The following SLC25A33 variants were observed in gnomAD, a reference collection of about 807,000 sequenced individuals.
SLC25A33 encodes the protein solute carrier family 25 member 33.
In SLC25A33, 15 loss-of-function variants were observed where a neutral mutation model predicts 35.5. That is an observed-to-expected ratio of 0.42 (90% CI 0.28 to 0.65). The LOEUF is 0.65. Ranked by LOEUF, SLC25A33 falls within the 30% of genes least tolerant of loss-of-function variation. SLC25A33 has a pLI of 0.20. For missense variants in SLC25A33, 257 were observed against 398.5 expected (o/e 0.64, Z 3.02); for synonymous variants, 136 against 148.7 (o/e 0.91, Z 0.62).
chr1:9,578,712 C>A lies in SLC25A33; in HGVS notation c.483-1242C>A, dbSNP rs1643696741. The stretch of plus-strand genomic sequence containing the variant: ...TCTTGAACTCCTGGCCTCAAGCAGT[C>A]CTCCCGCCTTGGCCTCCCAAAGTGC... On this transcript the variant is annotated intron_variant, in intron 5 of 6. Coordinates refer to ENST00000302692, the MANE Select transcript of SLC25A33 (RefSeq NM_032315.3). This position sits in a 1 kb window ranked among gnomAD's most constrained non-coding sequence, Gnocchi z 4.3. 6.6e-6 allele frequency among the ~76,000 whole-genome samples: 1 copy of A among 152,140 alleles called. No individual in the cohort carries two copies. Among genetic ancestry groups the A allele is most frequent in the Non-Finnish European group, 1.5e-5 (1 of 68,014 alleles).
chr1:9,540,556 A>C (rs1643064506), intron 1 of SLC25A33, among the ~76,000 whole-genome samples: 1 of 151,980 alleles, frequency 6.6e-6, no homozygotes, highest in Non-Finnish European at 1.5e-5. Context: ...AGAAGGTAAA[A>C]TATTTTTGAG....
At chr1:9,551,777 C>G (rs976255844) in intron 1 of SLC25A33, among the ~76,000 whole-genome samples, 1 of 152,038 alleles carries the variant, frequency 6.6e-6, no homozygotes, top group Non-Finnish European at 1.5e-5. Context: ...TTAGTAAACA[C>G]TGTTTAGGAA....
At chr1:9,550,586 G>T (rs552122896) in intron 1 of SLC25A33, among the ~76,000 whole-genome samples, 27 of 152,146 alleles carry the variant, frequency 1.8e-4, no homozygotes, top group African/African-American at 6.5e-4. Context: ...TTAGGCATGT[G>T]GTTATTATGA....
rs1334441190 is a variant in SLC25A33 at position 9,583,957 on chromosome 1, T to G, written c.*1456T>G. On this transcript the variant is annotated 3_prime_UTR_variant, in exon 7 of 7. Transcript: ENST00000302692. ...TTGCAGTGAGCTGAGATGGCGCCAC[T>G]GCACTCCAGCCTGGGCCACAGAGTG... The G allele has an allele frequency of 6.8e-6, 1 of 146,942 alleles. No individual in the cohort carries two copies. Among genetic ancestry groups the G allele is most frequent in the Non-Finnish European group, 1.5e-5 (1 of 67,376 alleles). 9.1% of individuals were successfully genotyped at this position (146,942 alleles called of 1,614,324 possible). A position where few individuals can be genotyped will look rare whatever the true frequency, so the allele number is the denominator to read the frequency against.
At chr1:9,542,631 T>C (rs1446983551) in intron 1 of SLC25A33, among the ~76,000 whole-genome samples, 6 of 152,164 alleles carry the variant, frequency 3.9e-5, no homozygotes, top group South Asian at 2.1e-4. Context: ...GTTGCTGCTG[T>C]TGTTAAGCTG....
intron 3 of SLC25A33, among the ~76,000 whole-genome samples, chr1:9,568,481 C>T (rs942342252): frequency 1.3e-5 from 2 of 151,924 alleles, no homozygotes; most frequent in Admixed American, 6.6e-5. Context: ...AAACTTCTTC[C>T]AGAAAGGACC....
chr1:9,547,672 C>G (rs1643200983), intron 1 of SLC25A33, among the ~76,000 whole-genome samples: 1 of 152,044 alleles, frequency 6.6e-6, no homozygotes, highest in Admixed American at 6.6e-5. Flanking sequence ...CATCCCAGGC[C>G]TCTACCCACT....
intron 1 of SLC25A33, among the ~76,000 whole-genome samples, chr1:9,551,499 G>T (rs1557525834): frequency 6.6e-6 from 1 of 152,186 alleles, no homozygotes. Flanking sequence ...GCCTCTAGTG[G>T]AGTAGGGAAG....
In SLC25A33 at chr1:9,553,888, A is replaced by G; in HGVS notation, c.236+83A>G. ...AGAGAATGTTCATCAAGCTTATCAA[A>G]TGTGATGTTCTGTTTGCATAGCCTT... On this transcript the variant is annotated intron_variant, in intron 2 of 6. Coordinates refer to ENST00000302692, the MANE Select transcript of SLC25A33 (RefSeq NM_032315.3). 11 of 1,411,098 alleles carry G rather than the reference A, an allele frequency of 7.8e-6. No homozygotes were observed. The South Asian group carries it at 1.3e-4, about 17-fold the overall frequency. The allele number at this position is 1,411,098 out of a possible 1,614,324, so 87.4% of individuals were successfully genotyped here. A position where few individuals can be genotyped will look rare whatever the true frequency, so the allele number is the denominator to read the frequency against.
chr1:9,570,206 T>C, intron 3 of SLC25A33, 52 bp from the exon 4 acceptor site: 1 of 1,508,154 alleles, frequency 6.6e-7, no homozygotes. Flanking sequence ...TGGAGGGACG[T>C]ATAAAGTTGC....
intron 5 of SLC25A33, among the ~76,000 whole-genome samples, chr1:9,576,030 A>G (rs552333796): frequency 5.9e-5 from 9 of 152,270 alleles, no homozygotes; most frequent in Admixed American, 5.2e-4. Context: ...TAGTAAACTC[A>G]TATCACTTCT....
chr1:9,546,071 C>T (rs1643164113), intron 1 of SLC25A33, among the ~76,000 whole-genome samples: 1 of 151,858 alleles, frequency 6.6e-6, no homozygotes, highest in South Asian at 2.1e-4. Flanking sequence ...GAATATCCCT[C>T]GTGACTGCTT....
intron 5 of SLC25A33, chr1:9,576,478 A>G: frequency 2.2e-6 from 1 of 446,714 alleles, no homozygotes; most frequent in Admixed American, 2.5e-5. Context: ...AAATGTCAAC[A>G]TTACCCTGAA....
chr1:9,549,770 G>A (rs921272246), intron 1 of SLC25A33, among the ~76,000 whole-genome samples: 28 of 150,512 alleles, frequency 1.9e-4, no homozygotes, highest in South Asian at 4.2e-4. Flanking sequence ...ACAGGCACCC[G>A]CCACCACACC....
In SLC25A33 at chr1:9,582,539, A is replaced by G; in HGVS notation, c.*38A>G. The stretch of plus-strand genomic sequence containing the variant: ...TTGTGCTCTAGAAGAATAAAACTGA[A>G]AAACTCTAGAGAATTTTTTTTCCCC... On this transcript the variant is annotated 3_prime_UTR_variant, in exon 7 of 7. Transcript: ENST00000302692. The surrounding 1 kb of genome is among the most constrained non-coding windows in gnomAD (Gnocchi z 4.0). 6.4e-7 allele frequency: 1 copy of G among 1,554,532 alleles called. No homozygotes were observed. The highest frequency in any genetic ancestry group is 8.7e-7 in the Non-Finnish European group (1 of 1,146,438).
chr1:9,577,629 C>T (rs1643681491), intron 5 of SLC25A33, among the ~76,000 whole-genome samples: 1 of 152,120 alleles, frequency 6.6e-6, no homozygotes, highest in Non-Finnish European at 1.5e-5. Flanking sequence ...GAGCCCGATC[C>T]TTCCCAGGCC....
chr1:9,561,978 GGGAGGT>G (rs1290707563), intron 2 of SLC25A33, among the ~76,000 whole-genome samples: 2 of 151,996 alleles, frequency 1.3e-5, no homozygotes, highest in Non-Finnish European at 1.5e-5. Flanking sequence ...GTTTGAACCC[GGGAGGT>G]GGAGGTTGCA....
At chr1:9,565,793 G>T (rs2100397231) in intron 2 of SLC25A33, among the ~76,000 whole-genome samples, 1 of 151,402 alleles carries the variant, frequency 6.6e-6, no homozygotes, top group East Asian at 1.9e-4. Context: ...CAGGAGAATG[G>T]TGTGAACCTG....
intron 2 of SLC25A33, among the ~76,000 whole-genome samples, chr1:9,559,317 G>A (rs921854844): frequency 6.6e-6 from 1 of 151,916 alleles, no homozygotes; most frequent in Non-Finnish European, 1.5e-5. Context: ...TACTGAAATC[G>A]TCCCCAAGCA....
Sources: allele counts gnomAD v4.1 joint callset (sites outside exome capture counted in the v4.1 genomes callset), GRCh38; gene constraint gnomAD v4.1.1; non-coding constraint Gnocchi (gnomAD v3.1); transcripts MANE v1.5; gene names NCBI Gene and HGNC (gene_info 2026-07-23, HGNC 2026-07-21).